Variants in RIMS1 observed in about 807,000 individuals in gnomAD.
The protein encoded by RIMS1 is regulating synaptic membrane exocytosis protein 1.
In RIMS1, 83 loss-of-function variants were observed where a neutral mutation model predicts 214.1. That is an observed-to-expected ratio of 0.39 (90% CI 0.32 to 0.47). RIMS1 has a LOEUF of 0.47. Ranked by LOEUF, RIMS1 falls within the 20% of genes least tolerant of loss-of-function variation. RIMS1 has a pLI of 0.99. For missense variants in RIMS1, 2,050 were observed against 2,161.8 expected, an observed-to-expected ratio of 0.95 and a Z score of 1.03; for synonymous variants, 793 against 786.8, an observed-to-expected ratio of 1.01 and a Z score of -0.13.
chr6:72,170,177 G>A (rs2046826045), intron 4 of RIMS1, among the ~76,000 whole-genome samples: 1 of 150,166 alleles, frequency 6.7e-6, no homozygotes, highest in Non-Finnish European at 1.5e-5. Context: ...TACCTGCATA[G>A]CTTACTCTTA....
intron 22 of RIMS1, among the ~76,000 whole-genome samples, chr6:72,268,767 G>A (rs2154181092): frequency 6.6e-6 from 1 of 152,262 alleles, no homozygotes; most frequent in East Asian, 1.9e-4. Flanking sequence ...TCCATTTCAT[G>A]TTCTGTTGAT....
chr6:72,087,318 G>A (rs943793073), intron 2 of RIMS1, among the ~76,000 whole-genome samples: 1 of 152,168 alleles, frequency 6.6e-6, no homozygotes, highest in African/African-American at 2.4e-5. Flanking sequence ...AACTTTAACT[G>A]AAGAAAAATT....
intron 2 of RIMS1, among the ~76,000 whole-genome samples, chr6:72,065,660 T>TA (rs1829111595): frequency 6.6e-6 from 1 of 152,166 alleles, no homozygotes; most frequent in South Asian, 2.1e-4. Context: ...TGCCTTTATT[T>TA]ATCTCAATTG....
intron 28 of RIMS1, among the ~76,000 whole-genome samples, chr6:72,320,670 G>C (rs2154312008): frequency 6.6e-6 from 1 of 151,916 alleles, no homozygotes; most frequent in South Asian, 2.1e-4. Context: ...TAGTTGGTCT[G>C]TTTTTCTACT....
intron 4 of RIMS1, among the ~76,000 whole-genome samples, chr6:72,112,295 T>A (rs1238335774): frequency 6.6e-6 from 1 of 151,976 alleles, no homozygotes; most frequent in African/African-American, 2.4e-5. Context: ...GAACCCCTAA[T>A]TGGCCTTTCC....
intron 29 of RIMS1, among the ~76,000 whole-genome samples, chr6:72,384,470 C>A (rs1029538840): frequency 6.6e-6 from 1 of 152,272 alleles, no homozygotes; most frequent in African/African-American, 2.4e-5. Flanking sequence ...TACTAAACCT[C>A]TTAAGTAGTA....
intron 29 of RIMS1, among the ~76,000 whole-genome samples, chr6:72,343,369 A>ATAT (rs34907894): frequency 0.28 from 41,726 of 150,296 alleles, 6,949 homozygotes; most frequent in South Asian, 0.4. Context: ...TTTAGCATGC[A>ATAT]TATTATTATT....
intron 1 of RIMS1, among the ~76,000 whole-genome samples, chr6:71,894,713 G>C (rs1025820348): frequency 7.9e-5 from 12 of 152,098 alleles, no homozygotes; most frequent in African/African-American, 2.9e-4. Context: ...AGTTTAGATG[G>C]CAAAATGAGG....
chr6:72,046,512 G>T (rs1823094432), intron 2 of RIMS1, among the ~76,000 whole-genome samples: 1 of 152,086 alleles, frequency 6.6e-6, no homozygotes, highest in Non-Finnish European at 1.5e-5. Context: ...CACACAGAAG[G>T]ATGGGAACGG....
intron 2 of RIMS1, among the ~76,000 whole-genome samples, chr6:72,054,166 G>C (rs1326988064): frequency 1.3e-5 from 2 of 152,048 alleles, no homozygotes; most frequent in Non-Finnish European, 2.9e-5. Context: ...TTATGAGTGA[G>C]AAAACGTGGT....
rs1255446271 is a variant in RIMS1, at chr6:72,241,238, G to A, written c.1958-1076G>A. Among the ~76,000 whole-genome samples the A allele has an allele frequency of 2.6e-5, 4 of 152,126 alleles. 1 individual carries two copies. Among genetic ancestry groups the A allele is most frequent in the African/African-American group, 4.8e-5 (2 of 41,412 alleles). ...ACTTGGCTATAAAATGTATACTGAT[G>A]ATATTGATCCAGTATTTCAACACAA... is the stretch of plus-strand genomic sequence containing the variant. On this transcript the variant is annotated intron_variant, in intron 9 of 33. Coordinates refer to ENST00000521978, the MANE Select transcript of RIMS1 (RefSeq NM_014989.7).
chr6:71,990,411 A>C (rs1315068176), intron 2 of RIMS1, among the ~76,000 whole-genome samples: 3 of 152,254 alleles, frequency 2.0e-5, no homozygotes, highest in African/African-American at 7.2e-5. Flanking sequence ...TTTATACTTA[A>C]TTTGTTTCAT....
chr6:71,910,125 AAG>A (rs1209303218), intron 1 of RIMS1, among the ~76,000 whole-genome samples: 3 of 152,138 alleles, frequency 2.0e-5, no homozygotes, highest in African/African-American at 7.2e-5. Flanking sequence ...GAAAATCAGA[AAG>A]AGAGAGAGGT....
chr6:72,167,308 G>A (rs1478257350), intron 4 of RIMS1, among the ~76,000 whole-genome samples: 1 of 151,846 alleles, frequency 6.6e-6, no homozygotes, highest in Admixed American at 6.6e-5. Context: ...ATATAGTACT[G>A]TATTAAGTTT....
intron 1 of RIMS1, among the ~76,000 whole-genome samples, chr6:71,929,712 T>TA (rs35103052): frequency 0.13 from 19,307 of 151,886 alleles, 1,294 homozygotes; most frequent in South Asian, 0.27. Flanking sequence ...CCCTAAATTA[T>TA]AAAAAAACAT....
At chr6:72,063,265 T>C (rs1435621789) in intron 2 of RIMS1, among the ~76,000 whole-genome samples, 3 of 152,134 alleles carry the variant, frequency 2.0e-5, no homozygotes, top group African/African-American at 7.2e-5. Flanking sequence ...CTCTGCACTT[T>C]AGGCAAAGCA....
At chr6:72,011,536 A>G (rs755881630) in intron 2 of RIMS1, among the ~76,000 whole-genome samples, 8 of 152,226 alleles carry the variant, frequency 5.3e-5, no homozygotes, top group Non-Finnish European at 1.0e-4. Context: ...ATCAGAGTGA[A>G]CAGGCAACCT....
At chr6:72,083,668 G>A (rs548424150) in intron 2 of RIMS1, among the ~76,000 whole-genome samples, 3 of 152,202 alleles carry the variant, frequency 2.0e-5, no homozygotes, top group South Asian at 2.1e-4. Flanking sequence ...CTATGTCTAC[G>A]TATAATAATA....
chr6:72,280,686 T>C (rs1275596145), intron 23 of RIMS1, among the ~76,000 whole-genome samples: 1 of 151,984 alleles, frequency 6.6e-6, no homozygotes, highest in Non-Finnish European at 1.5e-5. Context: ...GGGTTAAAAA[T>C]GAAAACAAAA....
Sources: allele counts gnomAD v4.1 joint callset (sites outside exome capture counted in the v4.1 genomes callset), GRCh38; gene constraint gnomAD v4.1.1; transcripts MANE v1.5; gene names NCBI Gene and HGNC (gene_info 2026-07-23, HGNC 2026-07-21).